Variants in NBL1 observed in about 807,000 individuals in gnomAD.
NBL1 encodes the protein NBL1, DAN family BMP antagonist.
A neutral mutation model predicts 16.0 loss-of-function variants in NBL1; 9 were observed. The ratio of observed to expected loss-of-function variants is 0.56; its 90% confidence interval spans 0.34 to 0.98. The LOEUF (loss-of-function observed/expected upper bound fraction) is 0.98. Among genes scored for constraint, NBL1 ranks in the 50% least tolerant of loss-of-function variants. The probability of loss-of-function intolerance (pLI) is 0.02; values close to 1 mark genes in which losing one functional copy is unlikely to be tolerated. For missense variants in NBL1, 196 were observed against 243.1 expected (o/e 0.81, Z 1.29); for synonymous variants, 86 against 100.7 (o/e 0.85, Z 0.87).
In NBL1 at chr1:19,655,220, TGG is replaced by T. The variant is rs769540977; in HGVS notation, c.170+25_170+26del. 8 of 1,599,750 alleles carry T rather than the reference TGG, an allele frequency of 5.0e-6. 1 individual carries two copies. The highest frequency in any genetic ancestry group is 6.8e-6 in the Non-Finnish European group (8 of 1,171,394). On this transcript the variant is annotated intron_variant, in intron 2 of 3. Transcript: ENST00000375136. ...GAACAGGTGGGACCCAAGGGGTGGG[TGG>T]GGGGATGCGGACAGGGGTCCAAGGA... is the stretch of plus-strand genomic sequence containing the variant.
Position 19,655,139 on chromosome 1 carries a change from G to A in NBL1, c.109G>A (p.Ala37Thr). 2 of 1,611,560 alleles carry A rather than the reference G, an allele frequency of 1.2e-6. No individual in the cohort carries two copies. Among genetic ancestry groups the A allele is most frequent in the Non-Finnish European group, 1.7e-6 (2 of 1,179,020 alleles). ...LFPDKSAWCE[A>T]KNITQIVGHS... ...CCCAGATAAGAGTGCCTGGTGCGAAGCCAAGAACATCACCCAGATCGTGGG... is the reference window on the plus strand; with the variant it reads ...CCCAGATAAGAGTGCCTGGTGCGAAACCAAGAACATCACCCAGATCGTGGG... Residue 37 changes from alanine (A) to threonine (T), a missense_variant, in exon 2 of 4, where the codon GCC (alanine) becomes ACC (threonine). Coordinates refer to ENST00000375136, the MANE Select transcript of NBL1 (RefSeq NM_005380.8).
intron 1 of NBL1, chr1:19,645,936 A>G: frequency 6.5e-7 from 1 of 1,550,264 alleles, no homozygotes; most frequent in Non-Finnish European, 8.7e-7. Flanking sequence ...CTGCAGTGGA[A>G]CTTCTGCTGA....
intron 1 of NBL1, among the ~76,000 whole-genome samples, chr1:19,649,116 C>A (rs557491512): frequency 4.6e-5 from 7 of 152,190 alleles, no homozygotes; most frequent in African/African-American, 1.7e-4. Flanking sequence ...AACCTTTTGA[C>A]CTGCAAGGGT....
At chr1:19,645,541 GAGGCCA>G in intron 1 of NBL1, 1 of 1,025,510 alleles carries the variant, frequency 9.8e-7, no homozygotes, top group South Asian at 3.8e-5. Flanking sequence ...GTCAGGGCTG[GAGGCCA>G]AAGACCGGGC....
Position 19,657,756 on chromosome 1 carries a change from G to C in NBL1, c.*627G>C, listed in dbSNP as rs2095064218. On this transcript the variant is annotated 3_prime_UTR_variant, in exon 4 of 4. Transcript: ENST00000375136. The stretch of plus-strand genomic sequence containing the variant: ...CTGACTCGTGGCGCGGGAGCTGGGA[G>C]CCAGGCTCTCCGGGCCTTTCTCTGG... 1 of 152,838 alleles carries C rather than the reference G, an allele frequency of 6.5e-6. No homozygotes were observed. Among genetic ancestry groups the C allele is most frequent in the African/African-American group, 2.4e-5 (1 of 41,436 alleles). 9.5% of individuals were successfully genotyped at this position (152,838 alleles called of 1,614,324 possible). A position where few individuals can be genotyped will look rare whatever the true frequency, so the allele number is the denominator to read the frequency against.
intron 1 of NBL1, among the ~76,000 whole-genome samples, chr1:19,648,222 C>T (rs1285856122): frequency 6.6e-6 from 1 of 152,102 alleles, no homozygotes; most frequent in Non-Finnish European, 1.5e-5. Context: ...GAAATCTAGG[C>T]CACTCCTGTG....
At chr1:19,653,429 C>G (rs1340406684) in intron 1 of NBL1, among the ~76,000 whole-genome samples, 1 of 152,230 alleles carries the variant, frequency 6.6e-6, no homozygotes, top group Non-Finnish European at 1.5e-5. Context: ...GACTTGTCCC[C>G]TCTTCCTCCT....
chr1:19,644,847 C>T lies in NBL1; in HGVS notation c.-20+401C>T, dbSNP rs1366167816. On this transcript the variant is annotated intron_variant, in intron 1 of 3. Transcript: ENST00000375136. The surrounding 1 kb of genome is among the most constrained non-coding windows in gnomAD (Gnocchi z 4.6). Reference sequence around the variant, plus strand: ...CCGCGCCGCGCCTCTCGGCTCTGGACGTTTCCGCCTCCCGCGGCCCCCTCT... The same window carrying T: ...CCGCGCCGCGCCTCTCGGCTCTGGATGTTTCCGCCTCCCGCGGCCCCCTCT... Among the ~76,000 whole-genome samples, 1 of 152,148 alleles carries T rather than the reference C, an allele frequency of 6.6e-6. No homozygotes were observed. The highest frequency in any genetic ancestry group is 1.5e-5 in the Non-Finnish European group (1 of 68,008).
rs1021866388 is a variant in NBL1 at position 19,658,332 on chromosome 1, C to G, written c.*1203C>G. ...CCCAGGGTGGCTGCCAGCCCACTGC[C>G]TCCTGCCTGGGGTGGCCTGGCCCTC... is the stretch of plus-strand genomic sequence containing the variant. On this transcript the variant is annotated 3_prime_UTR_variant, in exon 4 of 4. Transcript: ENST00000375136. 8 of 152,818 alleles carry G rather than the reference C, an allele frequency of 5.2e-5. No individual in the cohort carries two copies. The highest frequency in any genetic ancestry group is 1.9e-4 in the African/African-American group (8 of 41,466). The allele number at this position is 152,818 out of a possible 1,614,324, so 9.5% of individuals were successfully genotyped here. A position where few individuals can be genotyped will look rare whatever the true frequency, so the allele number is the denominator to read the frequency against.
At chr1:19,643,442 CCCAGTGGTGTCCCTGGG>C, upstream of NBL1, 1 of 1,609,560 alleles carries the variant, frequency 6.2e-7, no homozygotes, top group Admixed American at 1.7e-5. This position sits in a 1 kb window ranked among gnomAD's most constrained non-coding sequence, Gnocchi z 4.7. Flanking sequence ...ACAATCGTGT[CCCAGTGGTGTCCCTGGG>C]CCACCACTTT....
chr1:19,643,876 G>C (rs1260432802), upstream of NBL1: 4 of 990,244 alleles, frequency 4.0e-6, no homozygotes, highest in Admixed American at 5.9e-5. The surrounding 1 kb of genome is among the most constrained non-coding windows in gnomAD (Gnocchi z 4.7). Flanking sequence ...GGGCAAGTCT[G>C]CAATGCCCGG....
At chr1:19,643,437 C>T (rs771243421), upstream of NBL1, 13 of 1,610,704 alleles carry the variant, frequency 8.1e-6, no homozygotes, top group Middle Eastern at 1.7e-4. This position sits in a 1 kb window ranked among gnomAD's most constrained non-coding sequence, Gnocchi z 4.7. Context: ...GTCCTACAAT[C>T]GTGTCCCAGT....
chr1:19,643,472 A>T (rs1045571380), upstream of NBL1: 6 of 1,588,196 alleles, frequency 3.8e-6, no homozygotes, highest in Non-Finnish European at 5.1e-6. This position sits in a 1 kb window ranked among gnomAD's most constrained non-coding sequence, Gnocchi z 4.7. Context: ...ACCACTTTCC[A>T]GAAGCAAAGT....
At position 19,655,404 on chromosome 1, in the gene NBL1, C is replaced by T. The variant is rs2095050519; in HGVS notation, c.251C>T (p.Ser84Phe). The change falls in exon 3 of 4, where the codon TCC becomes TTC. Residue 84 changes from serine (S) to phenylalanine (F), a missense_variant. Coordinates refer to ENST00000375136, the MANE Select transcript of NBL1 (RefSeq NM_005380.8). ...QSTESLVHCD[S>F]CMPAQSMWEI... Reference sequence around the variant, plus strand: ...ACAGAGTCCCTGGTTCACTGTGACTCCTGCATGCCAGCCCAGTCCATGTGG... The same window carrying T: ...ACAGAGTCCCTGGTTCACTGTGACTTCTGCATGCCAGCCCAGTCCATGTGG... The T allele has an allele frequency of 6.2e-7, 1 of 1,614,158 alleles. No individual in the cohort carries two copies. Among genetic ancestry groups the T allele is most frequent in the African/African-American group, 1.3e-5 (1 of 75,042 alleles).
chr1:19,647,820 G>A (rs2094990659), intron 1 of NBL1: 1 of 301,718 alleles, frequency 3.3e-6, no homozygotes. Context: ...TGCACCGAGT[G>A]GTTGCTGGAA....
intron 1 of NBL1, among the ~76,000 whole-genome samples, chr1:19,649,798 A>T (rs1166445409): frequency 6.6e-6 from 1 of 151,744 alleles, no homozygotes; most frequent in Non-Finnish European, 1.5e-5. Flanking sequence ...AGTAGCTGGG[A>T]CCACAGGCAT....
chr1:19,655,598 T>A (rs1226795893), intron 3 of NBL1, among the ~76,000 whole-genome samples, 163 bp downstream of exon 3: 1 of 152,210 alleles, frequency 6.6e-6, no homozygotes, highest in African/African-American at 2.4e-5. Flanking sequence ...AATGTGGGCC[T>A]CCCCACAGGA....
At chr1:19,648,723 A>G (rs1421999492) in intron 1 of NBL1, among the ~76,000 whole-genome samples, 1 of 115,126 alleles carries the variant, frequency 8.7e-6, no homozygotes, top group African/African-American at 3.4e-5. Flanking sequence ...AGAATGTACC[A>G]GGCATTGGCA....
In NBL1 at chr1:19,646,023, G is replaced by A. The variant is rs753749134; in HGVS notation, c.-20+1577G>A. The A allele has an allele frequency of 1.2e-5, 18 of 1,550,618 alleles. No individual in the cohort carries two copies. The South Asian group carries it at 2.0e-4, about 17-fold the overall frequency. Reference sequence around the variant, plus strand: ...GAGACTGTTTTTCGTTTGCGGGCAGGAGGGTCTGCGGTAAGGAGGGCCGTG... The same window carrying A: ...GAGACTGTTTTTCGTTTGCGGGCAGAAGGGTCTGCGGTAAGGAGGGCCGTG... On this transcript the variant is annotated intron_variant, in intron 1 of 3. Coordinates refer to ENST00000375136, the MANE Select transcript of NBL1 (RefSeq NM_005380.8).
Sources: gnomAD v4.1 joint callset for allele counts (sites outside exome capture counted in the v4.1 genomes callset) on GRCh38, gnomAD v4.1.1 for gene constraint, Gnocchi (gnomAD v3.1) non-coding constraint, MANE v1.5 for transcripts, NCBI Gene and HGNC (gene_info 2026-07-23, HGNC 2026-07-21) for gene names.